Variants in RGS7 observed in about 807,000 individuals in gnomAD.
RGS7 encodes the protein regulator of G-protein signaling 7.
A neutral mutation model predicts 81.1 loss-of-function variants in RGS7; 27 were observed. The ratio of observed to expected loss-of-function variants is 0.33; its 90% CI spans 0.25 to 0.46. RGS7 has a LOEUF of 0.46. RGS7 is among the 20% of genes least tolerant of loss of function. The pLI is 1.00. For synonymous variants in RGS7, 208 were observed against 207.7 expected (o/e 1.00, Z -0.01); for missense variants, 396 against 607.4 (o/e 0.65, Z 3.66).
intron 2 of RGS7, among the ~76,000 whole-genome samples, chr1:241,331,979 A>G (rs2082002956): frequency 1.3e-5 from 2 of 152,234 alleles, no homozygotes; most frequent in Non-Finnish European, 2.9e-5. Flanking sequence ...AGAACAATCG[A>G]GTTTCCAAAA....
intron 2 of RGS7, among the ~76,000 whole-genome samples, chr1:241,294,445 T>C (rs2079272994): frequency 6.6e-6 from 1 of 152,088 alleles, no homozygotes; most frequent in East Asian, 1.9e-4. Flanking sequence ...AAATAAAACA[T>C]ACAATAAAAT....
intron 2 of RGS7, among the ~76,000 whole-genome samples, chr1:241,162,585 T>C (rs953785514): frequency 6.6e-6 from 1 of 152,196 alleles, no homozygotes; most frequent in Non-Finnish European, 1.5e-5. Context: ...CTTTTGTTCC[T>C]GCCCTAAAGC....
chr1:240,896,845 A>C (rs565932300), intron 6 of RGS7, among the ~76,000 whole-genome samples: 2 of 152,302 alleles, frequency 1.3e-5, no homozygotes, highest in African/African-American at 4.8e-5. Context: ...CTTGATGGGG[A>C]TAGCATTGCA....
intron 9 of RGS7, among the ~76,000 whole-genome samples, chr1:240,841,299 T>C (rs1433565513): frequency 1.3e-5 from 2 of 152,226 alleles, no homozygotes; most frequent in African/African-American, 4.8e-5. Context: ...CCTGCCTTTA[T>C]AACTTTGTTT....
chr1:240,914,002 G>A (rs138332407), intron 6 of RGS7, among the ~76,000 whole-genome samples: 3,204 of 150,922 alleles, frequency 0.021, 59 homozygotes, highest in African/African-American at 0.045. Context: ...ATGCTGGTGC[G>A]CTGCACCCAT....
At chr1:240,782,166 G>A (rs1684230014) in intron 18 of RGS7, among the ~76,000 whole-genome samples, 1 of 152,190 alleles carries the variant, frequency 6.6e-6, no homozygotes, top group South Asian at 2.1e-4. Context: ...AAAGGAAAAT[G>A]CATAAGCCCT....
intron 3 of RGS7, among the ~76,000 whole-genome samples, chr1:241,013,725 A>C (rs2148668572): frequency 6.6e-6 from 1 of 152,344 alleles, no homozygotes; most frequent in African/African-American, 2.4e-5. Context: ...CAAAGCAAAA[A>C]GAAATGACCC....
At chr1:240,878,812 G>A (rs1285949647) in intron 6 of RGS7, among the ~76,000 whole-genome samples, 1 of 152,180 alleles carries the variant, frequency 6.6e-6, no homozygotes, top group East Asian at 1.9e-4. Context: ...TACCCAGGCT[G>A]TTTTCAATAG....
chr1:240,945,567 T>C (rs1678465728), intron 4 of RGS7, among the ~76,000 whole-genome samples: 1 of 152,240 alleles, frequency 6.6e-6, no homozygotes, highest in African/African-American at 2.4e-5. Flanking sequence ...GGTATCTCTT[T>C]TAAAAATCAC....
chr1:240,853,900 CAAAAA>C (rs35471716), intron 9 of RGS7, among the ~76,000 whole-genome samples: 11 of 22,256 alleles, frequency 4.9e-4, no homozygotes, highest in Admixed American at 1.1e-3. Context: ...GACTCCGTCT[CAAAAA>C]AAAAAAAAAA....
At chr1:240,914,258 A>G (rs1452773060) in intron 6 of RGS7, among the ~76,000 whole-genome samples, 1 of 152,136 alleles carries the variant, frequency 6.6e-6, no homozygotes, top group Admixed American at 6.5e-5. Context: ...ATGGTAGAAA[A>G]TGTATAAAGT....
intron 14 of RGS7, among the ~76,000 whole-genome samples, chr1:240,809,477 G>C (rs982747425): frequency 3.3e-5 from 5 of 152,286 alleles, no homozygotes; most frequent in African/African-American, 1.2e-4. Context: ...ATATGTCAGT[G>C]GAAGCAGAGT....
chr1:240,991,123 G>A (rs901153853), intron 3 of RGS7, among the ~76,000 whole-genome samples: 2 of 152,186 alleles, frequency 1.3e-5, no homozygotes, highest in Non-Finnish European at 2.9e-5. Context: ...CTCTGGCAAG[G>A]TACAATGAAA....
intron 3 of RGS7, among the ~76,000 whole-genome samples, chr1:241,095,696 A>G (rs1271098096): frequency 6.6e-6 from 1 of 152,186 alleles, no homozygotes; most frequent in Non-Finnish European, 1.5e-5. Flanking sequence ...TAAATAATGA[A>G]AAGTGAGAAA....
At chr1:241,024,576 T>C (rs1009635965) in intron 3 of RGS7, among the ~76,000 whole-genome samples, 1 of 152,184 alleles carries the variant, frequency 6.6e-6, no homozygotes, top group Non-Finnish European at 1.5e-5. Context: ...AAATGTGAAT[T>C]GACTCTTTTA....
intron 2 of RGS7, among the ~76,000 whole-genome samples, chr1:241,301,489 G>A (rs2079755239): frequency 1.3e-5 from 2 of 152,194 alleles, no homozygotes; most frequent in African/African-American, 4.8e-5. Context: ...AGGGATGATG[G>A]TTAAGGGTTA....
intron 6 of RGS7, among the ~76,000 whole-genome samples, chr1:240,914,356 T>C (rs1430743573): frequency 6.6e-6 from 1 of 152,182 alleles, no homozygotes; most frequent in Non-Finnish European, 1.5e-5. Flanking sequence ...GCCCTGCCAA[T>C]TGAGAGTGCC....
chr1:241,007,217 T>C (rs559221786), intron 3 of RGS7, among the ~76,000 whole-genome samples: 11 of 152,038 alleles, frequency 7.2e-5, no homozygotes. Context: ...GCGCCCAGCC[T>C]TCTTTCTTTA....
At chr1:240,969,334 A>G (rs112126225) in intron 4 of RGS7, among the ~76,000 whole-genome samples, 2,279 of 152,336 alleles carry the variant, frequency 0.015, 52 homozygotes, top group African/African-American at 0.051. Flanking sequence ...CCAGCCAGCT[A>G]CTGGAAGAAT....
Sources: allele counts gnomAD v4.1 joint callset (sites outside exome capture counted in the v4.1 genomes callset), GRCh38; gene constraint gnomAD v4.1.1; transcripts MANE v1.5; gene names NCBI Gene and HGNC (gene_info 2026-07-23, HGNC 2026-07-21).